Variants in WWTR1 observed in about 807,000 individuals in gnomAD.
The protein encoded by WWTR1 is WW domain-containing transcription regulator protein 1.
In WWTR1, 13 loss-of-function variants were observed where a neutral mutation model predicts 40.1. That is an observed-to-expected ratio of 0.32 (90% CI 0.21 to 0.52). The LOEUF (loss-of-function observed/expected upper bound fraction) is 0.52, where lower values mean the gene tolerates loss of function less well. Ranked by LOEUF, WWTR1 falls within the 20% of genes least tolerant of loss-of-function variation. The pLI, the probability that WWTR1 is intolerant of heterozygous loss-of-function variation, is 0.97. For synonymous variants in WWTR1, 230 were observed against 210.1 expected (o/e 1.09, Z -0.82); for missense variants, 436 against 523.1 (o/e 0.83, Z 1.63).
intron 6 of WWTR1, among the ~76,000 whole-genome samples, chr3:149,525,157 G>A (rs1735239417): frequency 6.6e-6 from 1 of 152,174 alleles, no homozygotes; most frequent in South Asian, 2.1e-4. Flanking sequence ...TTTAATTCCT[G>A]AGGGAGGATG....
chr3:149,670,167 G>C (rs1276965945), intron 1 of WWTR1, among the ~76,000 whole-genome samples: 1 of 152,182 alleles, frequency 6.6e-6, no homozygotes, highest in Non-Finnish European at 1.5e-5. Flanking sequence ...AATTTTACAG[G>C]TGTGGCTGGT....
chr3:149,659,350 T>TTTTTTTTTTTTA (rs1713462576), upstream of WWTR1: 2 of 148,488 alleles, frequency 1.3e-5, no homozygotes, highest in Admixed American at 6.7e-5. Flanking sequence ...TTTTTTTTTT[T>TTTTTTTTTTTTA]GAGTGACGTC....
intron 2 of WWTR1, among the ~76,000 whole-genome samples, chr3:149,606,655 T>C (rs540684694): frequency 6.6e-6 from 1 of 152,292 alleles, no homozygotes; most frequent in East Asian, 1.9e-4. Context: ...TGATGGGCAA[T>C]ACACACTCCG....
chr3:149,576,850 G>T (rs1325188578), intron 2 of WWTR1, among the ~76,000 whole-genome samples: 14 of 151,932 alleles, frequency 9.2e-5, no homozygotes, highest in Admixed American at 9.2e-4. Context: ...ACTAATGAAG[G>T]TACAAAAAGA....
At chr3:149,646,325 T>C (rs1424106524) in intron 2 of WWTR1, among the ~76,000 whole-genome samples, 1 of 152,226 alleles carries the variant, frequency 6.6e-6, no homozygotes, top group Non-Finnish European at 1.5e-5. Flanking sequence ...GGTGGATGGC[T>C]TATACATAGC....
chr3:149,541,648 A>C (rs947611483), intron 4 of WWTR1, among the ~76,000 whole-genome samples: 2 of 151,702 alleles, frequency 1.3e-5, no homozygotes, highest in Non-Finnish European at 2.9e-5. Context: ...GTGTGGCAAA[A>C]GCGACTCCAC....
At chr3:149,542,305 G>A in intron 4 of WWTR1, 30 bp downstream of exon 4, 1 of 1,602,482 alleles carries the variant, frequency 6.2e-7, no homozygotes, top group East Asian at 2.2e-5. Context: ...AGGCCAGGGA[G>A]CCTCCACCAG....
At chr3:149,689,020 A>G (rs1346501432) in intron 1 of WWTR1, among the ~76,000 whole-genome samples, 1 of 152,248 alleles carries the variant, frequency 6.6e-6, no homozygotes, top group Non-Finnish European at 1.5e-5. Context: ...AATGCATCAG[A>G]GTCTCTCTAC....
chr3:149,562,646 C>G (rs1576562069), intron 3 of WWTR1, among the ~76,000 whole-genome samples: 1 of 105,374 alleles, frequency 9.5e-6, no homozygotes, highest in Non-Finnish European at 1.9e-5. Flanking sequence ...CACACACACA[C>G]AAAGGGGGAG....
At chr3:149,534,027 G>A (rs190784376) in intron 4 of WWTR1, among the ~76,000 whole-genome samples, 15 of 152,212 alleles carry the variant, frequency 9.9e-5, no homozygotes, top group Admixed American at 9.2e-4. Flanking sequence ...AAAATTAGCC[G>A]GGCATGGTGG....
At chr3:149,672,199 G>A (rs1327295533) in intron 1 of WWTR1, among the ~76,000 whole-genome samples, 3 of 152,154 alleles carry the variant, frequency 2.0e-5, no homozygotes, top group Admixed American at 6.5e-5. Context: ...TTATGTGGCC[G>A]CAAAGCCCAA....
At chr3:149,586,758 A>G (rs771014964) in intron 2 of WWTR1, among the ~76,000 whole-genome samples, 9 of 152,178 alleles carry the variant, frequency 5.9e-5, no homozygotes, top group Non-Finnish European at 1.3e-4. Context: ...CCACATCCCA[A>G]CCTTCAGGGA....
chr3:149,675,451 T>C (rs750530326), intron 1 of WWTR1, among the ~76,000 whole-genome samples: 14 of 152,180 alleles, frequency 9.2e-5, no homozygotes, highest in Non-Finnish European at 1.8e-4. Flanking sequence ...AAGATGAAGA[T>C]GAGTGAACAG....
intron 2 of WWTR1, among the ~76,000 whole-genome samples, chr3:149,624,659 C>T (rs151311598): frequency 1.8e-4 from 27 of 152,228 alleles, no homozygotes; most frequent in East Asian, 7.7e-4. Flanking sequence ...TGAACTGATA[C>T]GTACTGTTTC....
chr3:149,645,997 T>C (rs1377959840), intron 2 of WWTR1, among the ~76,000 whole-genome samples: 1 of 152,170 alleles, frequency 6.6e-6, no homozygotes, highest in Non-Finnish European at 1.5e-5. Flanking sequence ...CACAAAGACA[T>C]AAAATATATT....
At chr3:149,562,208 T>C (rs1355123599) in intron 3 of WWTR1, among the ~76,000 whole-genome samples, 2 of 151,288 alleles carry the variant, frequency 1.3e-5, no homozygotes, top group Non-Finnish European at 2.9e-5. Flanking sequence ...AGCAGGAGAA[T>C]GGCTTGAACC....
chr3:149,598,144 G>A lies in WWTR1; in HGVS notation c.432-25144C>T, dbSNP rs11920613. Among the ~76,000 whole-genome samples, 753 of 152,204 alleles carry A rather than the reference G, an allele frequency of 4.9e-3. 3 individuals carry two copies. Among genetic ancestry groups the A allele is most frequent in the African/African-American group, 0.018 (730 of 41,512 alleles). ...ACAATGTACCAGAAAAGCCGTAAAGGCAAACCCCCCAATAGATCCTTCACA... is the reference window on the plus strand; with the variant it reads ...ACAATGTACCAGAAAAGCCGTAAAGACAAACCCCCCAATAGATCCTTCACA... On this transcript the variant is annotated intron_variant, in intron 2 of 6. Transcript: ENST00000360632.
chr3:149,622,630 C>A (rs1740365387), intron 2 of WWTR1, among the ~76,000 whole-genome samples: 1 of 152,158 alleles, frequency 6.6e-6, no homozygotes, highest in South Asian at 2.1e-4. Context: ...CTGGGCAGAT[C>A]TCTTGAGCTC....
intron 4 of WWTR1, among the ~76,000 whole-genome samples, chr3:149,720,141 T>C (rs2108237577): frequency 6.6e-6 from 1 of 152,298 alleles, no homozygotes; most frequent in Admixed American, 6.5e-5. Context: ...AATTTGTCTG[T>C]TTTTTTCTTT....
Sources: allele counts gnomAD v4.1 joint callset (sites outside exome capture counted in the v4.1 genomes callset), GRCh38; gene constraint gnomAD v4.1.1; transcripts MANE v1.5; gene names NCBI Gene and HGNC (gene_info 2026-07-23, HGNC 2026-07-21).